The following NBAS variants were observed in gnomAD, a reference collection of about 807,000 sequenced individuals.
NBAS encodes the protein NBAS subunit of NRZ tethering complex.
A neutral mutation model predicts 302.5 loss-of-function variants in NBAS; 219 were observed. The observed-to-expected ratio is 0.72, with a 90% CI of 0.65 to 0.81. The LOEUF is 0.81. Among genes scored for constraint, NBAS ranks in the 30% least tolerant of loss-of-function variants. The pLI, the probability that NBAS is intolerant of heterozygous loss-of-function variation, is 0.00. For missense variants in NBAS, 2,932 were observed against 2,841.6 expected (o/e 1.03, Z -0.72); for synonymous variants, 1,118 against 1,021.6 (o/e 1.09, Z -1.80).
rs572178136 is a variant in NBAS at position 15,487,595 on chromosome 2, T to C, written c.1083+1299A>G. Among the ~76,000 whole-genome samples, 7 of 152,312 alleles carry C rather than the reference T, an allele frequency of 4.6e-5. No homozygotes were observed. In the East Asian group the frequency reaches 9.7e-4, roughly 21 times the overall value. The stretch of plus-strand genomic sequence containing the variant: ...TCAACTGTGTCAGTGATATGAAATA[T>C]ATGCCCTATAAATCAGCCTACACTC... On this transcript the variant is annotated intron_variant, in intron 12 of 51. Transcript: ENST00000281513.
intron 40 of NBAS, among the ~76,000 whole-genome samples, chr2:15,303,616 A>G (rs1293885978): frequency 3.7e-4 from 56 of 152,128 alleles, no homozygotes; most frequent in Non-Finnish European, 1.8e-4. Context: ...AGTGGTGGCC[A>G]GATACAAAAG....
At chr2:15,441,405 T>G (rs1678394661) in intron 21 of NBAS, among the ~76,000 whole-genome samples, 1 of 151,790 alleles carries the variant, frequency 6.6e-6, no homozygotes, top group Non-Finnish European at 1.5e-5. Flanking sequence ...CCAGCCAAAC[T>G]AAGCTTCATA....
chr2:14,964,158 T>C, the NBAS span, among the ~76,000 whole-genome samples: 17 of 152,216 alleles, frequency 1.1e-4, no homozygotes, highest in African/African-American at 3.6e-4. Flanking sequence ...CTACCAGGCA[T>C]GCAAAGCAGC....
intron 12 of NBAS, among the ~76,000 whole-genome samples, chr2:15,480,177 A>C (rs1489070262): frequency 6.6e-6 from 1 of 152,020 alleles, no homozygotes; most frequent in East Asian, 1.9e-4. Context: ...TCATCTCCCC[A>C]AAAAATAAAA....
chr2:14,861,461 C>T, the NBAS span, among the ~76,000 whole-genome samples: 3 of 152,284 alleles, frequency 2.0e-5, no homozygotes, highest in Admixed American at 6.5e-5. Flanking sequence ...AGCACTCAGT[C>T]TGGTAGAGGA....
intron 42 of NBAS, among the ~76,000 whole-genome samples, chr2:15,278,455 C>T (rs1305630714): frequency 6.6e-6 from 1 of 152,140 alleles, no homozygotes; most frequent in Non-Finnish European, 1.5e-5. Context: ...TGTCTATCTT[C>T]CTTCCTAGAC....
At chr2:15,456,444 G>A (rs1679250217) in intron 21 of NBAS, among the ~76,000 whole-genome samples, 2 of 152,150 alleles carry the variant, frequency 1.3e-5, no homozygotes, top group Non-Finnish European at 2.9e-5. Flanking sequence ...CACTTAATTT[G>A]TGGTTCCTAA....
the NBAS span, among the ~76,000 whole-genome samples, chr2:14,876,412 T>C: frequency 6.6e-6 from 1 of 152,256 alleles, no homozygotes; most frequent in Non-Finnish European, 1.5e-5. Context: ...CAAATGATAC[T>C]AGGTCTAGGA....
chr2:15,030,824 A>C, the NBAS span, among the ~76,000 whole-genome samples: 2 of 152,224 alleles, frequency 1.3e-5, no homozygotes, highest in Admixed American at 6.5e-5. Context: ...TGCCCACTAG[A>C]TATCAATATC....
At chr2:15,274,117 C>CA (rs1280685383) in intron 44 of NBAS, among the ~76,000 whole-genome samples, 1 of 151,516 alleles carries the variant, frequency 6.6e-6, no homozygotes, top group Non-Finnish European at 1.5e-5. Flanking sequence ...TCTTTAAAAA[C>CA]AAAAAACATG....
At chr2:14,997,361 T>A in the NBAS span, among the ~76,000 whole-genome samples, 2 of 151,924 alleles carry the variant, frequency 1.3e-5, no homozygotes, top group African/African-American at 4.8e-5. Context: ...GTGGCTTCCC[T>A]TTCTAGTCTG....
At chr2:15,528,885 A>ATATATATATATATATATGTGTG (rs1553333195) in intron 9 of NBAS, among the ~76,000 whole-genome samples, 1 of 123,208 alleles carries the variant, frequency 8.1e-6, no homozygotes, top group African/African-American at 3.2e-5. Flanking sequence ...AAAAATATAT[A>ATATATATATATATATATGTGTG]TATATATATA....
chr2:15,427,877 T>G, intron 21 of NBAS, 83 bp from the exon 22 acceptor site: 1 of 979,374 alleles, frequency 1.0e-6, no homozygotes, highest in Non-Finnish European at 1.6e-6. Flanking sequence ...GCAAACAGCA[T>G]CTCTATAACA....
At chr2:15,193,166 GA>G (rs1265357514) in intron 48 of NBAS, among the ~76,000 whole-genome samples, 1 of 152,068 alleles carries the variant, frequency 6.6e-6, no homozygotes, top group Admixed American at 6.6e-5. Context: ...GTCTTTGTCA[GA>G]AAATGTTTTC....
At chr2:15,534,483 A>C in intron 9 of NBAS, 60 bp downstream of exon 9, 1 of 1,213,378 alleles carries the variant, frequency 8.2e-7, no homozygotes, top group South Asian at 1.2e-5. Flanking sequence ...AGTTTCTTCT[A>C]TCTGAATCTA....
the NBAS span, among the ~76,000 whole-genome samples, chr2:15,058,795 T>C: frequency 3.9e-5 from 6 of 152,224 alleles, no homozygotes; most frequent in Non-Finnish European, 7.3e-5. Flanking sequence ...ATGTGGCGAA[T>C]GTCCTCAAAT....
At chr2:14,945,756 G>T in the NBAS span, among the ~76,000 whole-genome samples, 1 of 151,984 alleles carries the variant, frequency 6.6e-6, no homozygotes, top group African/African-American at 2.4e-5. Context: ...AAAAAGAAAA[G>T]GAATGAAAAG....
At chr2:15,169,436 T>A (rs545430012) in intron 51 of NBAS, among the ~76,000 whole-genome samples, 7 of 152,320 alleles carry the variant, frequency 4.6e-5, no homozygotes, top group Admixed American at 2.6e-4. Flanking sequence ...TGTCTCTTCA[T>A]GCCTAGCAAA....
At chr2:14,835,875 C>T in the NBAS span, among the ~76,000 whole-genome samples, 8,248 of 151,978 alleles carry the variant, frequency 0.054, 747 homozygotes, top group African/African-American at 0.19. Flanking sequence ...CCTCAACTTA[C>T]GTAGAAAATG....
Sources: allele counts gnomAD v4.1 joint callset (sites outside exome capture counted in the v4.1 genomes callset), GRCh38; gene constraint gnomAD v4.1.1; transcripts MANE v1.5; gene names NCBI Gene and HGNC (gene_info 2026-07-23, HGNC 2026-07-21).